The following CDH12 variants were observed in gnomAD, a reference collection of about 807,000 sequenced individuals.
CDH12 encodes cadherin 12, also known as cadherin-12.
Under a neutral mutation model 74.1 loss-of-function variants are expected in CDH12, and 41 were observed. That is an observed-to-expected ratio of 0.55 (90% CI 0.43 to 0.72). The LOEUF (loss-of-function observed/expected upper bound fraction) is 0.72. Ranked by LOEUF, CDH12 falls within the 30% of genes least tolerant of loss-of-function variation. The pLI, the probability that CDH12 is intolerant of heterozygous loss-of-function variation, is 0.00. For synonymous variants in CDH12, 399 were observed against 355.0 expected, an observed-to-expected ratio of 1.12 and a Z score of -1.39; for missense variants, 945 against 977.2, an observed-to-expected ratio of 0.97 and a Z score of 0.44.
intron 4 of CDH12, among the ~76,000 whole-genome samples, chr5:22,211,044 A>G (rs567754128): frequency 3.3e-5 from 5 of 152,324 alleles, no homozygotes; most frequent in East Asian, 3.9e-4. Flanking sequence ...AACCTTGAAA[A>G]TAGTTTACTC....
At chr5:22,069,605 A>G (rs1256555883) in intron 5 of CDH12, among the ~76,000 whole-genome samples, 1 of 152,144 alleles carries the variant, frequency 6.6e-6, no homozygotes, top group Non-Finnish European at 1.5e-5. Context: ...ACACAAAACA[A>G]TAGTTCCATT....
At chr5:22,713,682 A>C (rs1743415817) in intron 1 of CDH12, among the ~76,000 whole-genome samples, 1 of 152,124 alleles carries the variant, frequency 6.6e-6, no homozygotes, top group Non-Finnish European at 1.5e-5. Context: ...AGATACATAG[A>C]TACATACACT....
chr5:22,122,430 A>AACAG (rs1263034821), intron 4 of CDH12, among the ~76,000 whole-genome samples: 1 of 151,990 alleles, frequency 6.6e-6, no homozygotes, highest in Non-Finnish European at 1.5e-5. Context: ...CAAACAAACA[A>AACAG]ACAAAACTCT....
chr5:22,450,026 T>C (rs1744980459), intron 2 of CDH12, among the ~76,000 whole-genome samples: 1 of 151,980 alleles, frequency 6.6e-6, no homozygotes, highest in South Asian at 2.1e-4. Flanking sequence ...CCCTTAAAAA[T>C]ACAATAGATT....
intron 3 of CDH12, among the ~76,000 whole-genome samples, chr5:22,370,109 T>G (rs1741214455): frequency 6.6e-6 from 1 of 152,206 alleles, no homozygotes; most frequent in African/African-American, 2.4e-5. Context: ...ATATTTTATC[T>G]TTGGTCACTC....
intron 6 of CDH12, among the ~76,000 whole-genome samples, chr5:21,880,714 TTTC>T (rs1340977821): frequency 6.7e-6 from 1 of 149,482 alleles, no homozygotes; most frequent in African/African-American, 2.5e-5. Context: ...CCTTCCTTCC[TTTC>T]TTTTCTTTTG....
chr5:22,064,727 A>G (rs998306795), intron 5 of CDH12, among the ~76,000 whole-genome samples: 5 of 152,172 alleles, frequency 3.3e-5, no homozygotes, highest in Non-Finnish European at 5.9e-5. Flanking sequence ...CATTACTGAA[A>G]AAAGTGAAGA....
chr5:22,480,082 C>T (rs549255662), intron 2 of CDH12, among the ~76,000 whole-genome samples: 21 of 152,218 alleles, frequency 1.4e-4, no homozygotes, highest in Admixed American at 8.5e-4. Context: ...TAGCAAATTT[C>T]GCATCAACTA....
chr5:22,606,174 C>T (rs1022097399), intron 1 of CDH12, among the ~76,000 whole-genome samples: 3 of 152,146 alleles, frequency 2.0e-5, no homozygotes, highest in South Asian at 2.1e-4. Flanking sequence ...GTCCCAGCAT[C>T]CAGGAGTACC....
chr5:22,194,746 C>A (rs1244048546), intron 4 of CDH12, among the ~76,000 whole-genome samples: 1 of 152,122 alleles, frequency 6.6e-6, no homozygotes, highest in African/African-American at 2.4e-5. Flanking sequence ...TAATAAAAGG[C>A]AATATGTTAT....
chr5:21,955,542 G>A (rs181456699), intron 6 of CDH12, among the ~76,000 whole-genome samples: 25 of 152,132 alleles, frequency 1.6e-4, no homozygotes, highest in African/African-American at 5.8e-4. Flanking sequence ...GAAGAGAAAA[G>A]AAGAACCCAG....
intron 5 of CDH12, among the ~76,000 whole-genome samples, chr5:21,982,209 A>C (rs1489767435): frequency 6.6e-6 from 1 of 152,114 alleles, no homozygotes; most frequent in Non-Finnish European, 1.5e-5. Context: ...CCCCTCCGTG[A>C]GTGACAGAGA....
At chr5:21,998,098 A>G (rs1401355737) in intron 5 of CDH12, among the ~76,000 whole-genome samples, 1 of 152,084 alleles carries the variant, frequency 6.6e-6, no homozygotes, top group Non-Finnish European at 1.5e-5. Context: ...AGAAACATCA[A>G]TGTTTGGAGT....
intron 4 of CDH12, among the ~76,000 whole-genome samples, chr5:22,201,899 G>A (rs1322797838): frequency 6.6e-6 from 1 of 152,158 alleles, no homozygotes; most frequent in Non-Finnish European, 1.5e-5. Context: ...TGGAAAGCCA[G>A]GGGAGAGAAA....
intron 5 of CDH12, among the ~76,000 whole-genome samples, chr5:21,993,563 C>T (rs1416739691): frequency 6.6e-6 from 1 of 152,210 alleles, no homozygotes; most frequent in Non-Finnish European, 1.5e-5. Context: ...AGGAGTTGAA[C>T]TACCTACACC....
intron 3 of CDH12, among the ~76,000 whole-genome samples, chr5:22,323,478 T>C (rs1738966844): frequency 6.6e-6 from 1 of 152,312 alleles, no homozygotes; most frequent in East Asian, 1.9e-4. Flanking sequence ...TCTCTGACTA[T>C]GAAATACTCA....
intron 4 of CDH12, among the ~76,000 whole-genome samples, chr5:22,099,897 C>G (rs557134810): frequency 1.3e-5 from 2 of 152,250 alleles, no homozygotes; most frequent in African/African-American, 2.4e-5. Context: ...TCCAGGCCAT[C>G]ACCAATAATT....
At chr5:22,084,655 C>T (rs560062763) in intron 4 of CDH12, among the ~76,000 whole-genome samples, 29 of 152,258 alleles carry the variant, frequency 1.9e-4, no homozygotes, top group African/African-American at 6.7e-4. Context: ...ACACTACAGT[C>T]CTTCAGTGAA....
intron 1 of CDH12, among the ~76,000 whole-genome samples, chr5:22,823,368 A>G (rs1273480171): frequency 6.6e-6 from 1 of 151,956 alleles, no homozygotes; most frequent in Non-Finnish European, 1.5e-5. Flanking sequence ...ATCTATCCTA[A>G]AACTTAAAGT....
Sources: allele counts gnomAD v4.1 joint callset (sites outside exome capture counted in the v4.1 genomes callset), GRCh38; gene constraint gnomAD v4.1.1; transcripts MANE v1.5; gene names NCBI Gene and HGNC (gene_info 2026-07-23, HGNC 2026-07-21).